Variants in NXN observed in about 807,000 individuals in gnomAD.
The protein encoded by NXN is nucleoredoxin 1.
A neutral mutation model predicts 48.6 loss-of-function variants in NXN; 16 were observed. The ratio of observed to expected loss-of-function variants is 0.33; its 90% CI spans 0.22 to 0.50. The LOEUF is 0.50. NXN is among the 20% of genes least tolerant of loss of function. NXN has a pLI of 0.98. For synonymous variants in NXN, 281 were observed against 269.6 expected (o/e 1.04, Z -0.41); for missense variants, 492 against 605.5 (o/e 0.81, Z 1.97).
intron 1 of NXN, among the ~76,000 whole-genome samples, chr17:889,761 A>AG (rs1555619044): frequency 4.2e-5 from 3 of 70,828 alleles, no homozygotes; most frequent in Non-Finnish European, 8.5e-5. Context: ...GAAAGAAAGA[A>AG]AAAGAAAGAA....
chr17:939,957 T>A (rs1194812481), intron 1 of NXN, among the ~76,000 whole-genome samples: 1 of 1,954 alleles, frequency 5.1e-4, no homozygotes. Flanking sequence ...TTTTTTCTTA[T>A]TTTTTTTTTG....
chr17:926,527 GT>G (rs1449174357), intron 1 of NXN, among the ~76,000 whole-genome samples: 1 of 56,332 alleles, frequency 1.8e-5, no homozygotes, highest in Non-Finnish European at 4.5e-5. Flanking sequence ...AGTATCCCAT[GT>G]TTTTTGTTTT....
intron 1 of NXN, among the ~76,000 whole-genome samples, chr17:947,962 A>T (rs2150613655): frequency 6.6e-6 from 1 of 151,692 alleles, no homozygotes; most frequent in Non-Finnish European, 1.5e-5. Context: ...GAGGCAGGAG[A>T]ATTGCTTAAA....
At chr17:817,856 T>A (rs1383091332) in intron 5 of NXN, among the ~76,000 whole-genome samples, 1 of 152,078 alleles carries the variant, frequency 6.6e-6, no homozygotes, top group African/African-American at 2.4e-5. Flanking sequence ...CGCGTTTAAC[T>A]CAGACTGCCC....
At chr17:953,592 T>C (rs2069136164) in intron 1 of NXN, among the ~76,000 whole-genome samples, 1 of 152,182 alleles carries the variant, frequency 6.6e-6, no homozygotes, top group African/African-American at 2.4e-5. Flanking sequence ...CTTATAAACC[T>C]ATGTCAAGTT....
intron 5 of NXN, among the ~76,000 whole-genome samples, chr17:812,819 T>C (rs928351259): frequency 2.3e-4 from 34 of 149,140 alleles, no homozygotes; most frequent in African/African-American, 3.0e-4. Context: ...TAGGTGTGTG[T>C]GCGAGTGTGC....
At chr17:969,369 C>G (rs1282102148) in intron 1 of NXN, among the ~76,000 whole-genome samples, 1 of 152,154 alleles carries the variant, frequency 6.6e-6, no homozygotes, top group African/African-American at 2.4e-5. Flanking sequence ...TCTGGATTTC[C>G]AGTCTATATT....
rs1477121763 is a variant in NXN, at chr17:979,742, A to AGGCGGCGGCGTC, written c.-76_-65dup. Reference sequence around the variant, plus strand: ...GCTCCACGGTCCGCGCGGCGGGAGGAGGCGGCGGCGTCGGCGGCAGGCGCT... The same window carrying AGGCGGCGGCGTC: ...GCTCCACGGTCCGCGCGGCGGGAGGAGGCGGCGGCGTCGGCGGCGGCGTCGGCGGCAGGCGCT... On this transcript the variant is annotated 5_prime_UTR_variant, in exon 1 of 8. Coordinates refer to ENST00000336868, the MANE Select transcript of NXN (RefSeq NM_022463.5). 6.0e-5 allele frequency: 74 copies of AGGCGGCGGCGTC among 1,239,156 alleles called. No homozygotes were observed. Among genetic ancestry groups the AGGCGGCGGCGTC allele is most frequent in the East Asian group, 2.4e-4 (7 of 29,196 alleles). 76.8% of individuals were successfully genotyped at this position (1,239,156 alleles called of 1,614,324 possible).
intron 1 of NXN, among the ~76,000 whole-genome samples, chr17:836,740 G>C (rs1458891356): frequency 6.6e-6 from 1 of 152,192 alleles, no homozygotes; most frequent in Non-Finnish European, 1.5e-5. Context: ...GTGAACATGA[G>C]TTACATAGAG....
intron 1 of NXN, among the ~76,000 whole-genome samples, chr17:943,050 A>G (rs537230478): frequency 1.3e-5 from 2 of 150,814 alleles, no homozygotes; most frequent in Non-Finnish European, 2.9e-5. Context: ...GAATTCACCA[A>G]ACACCTCCCT....
At chr17:869,896 G>A (rs1278843985) in intron 1 of NXN, among the ~76,000 whole-genome samples, 6 of 152,218 alleles carry the variant, frequency 3.9e-5, no homozygotes, top group African/African-American at 1.4e-4. Context: ...GTAAAAGGTG[G>A]CGTGCGAGAG....
intron 1 of NXN, among the ~76,000 whole-genome samples, chr17:967,762 G>C (rs1035608972): frequency 6.6e-6 from 1 of 152,182 alleles, no homozygotes; most frequent in Non-Finnish European, 1.5e-5. Flanking sequence ...ACGAGGTCAG[G>C]AGATCAAGAC....
intron 1 of NXN, among the ~76,000 whole-genome samples, chr17:955,860 C>CAG (rs2069162925): frequency 3.3e-5 from 5 of 151,316 alleles, no homozygotes; most frequent in Non-Finnish European, 4.4e-5. Flanking sequence ...CGAGATTGTG[C>CAG]CACTGCACTC....
intron 1 of NXN, among the ~76,000 whole-genome samples, chr17:925,636 G>A (rs747708578): frequency 1.3e-3 from 192 of 152,268 alleles, no homozygotes; most frequent in Non-Finnish European, 2.1e-3. Context: ...TGATCCGCCC[G>A]CCTCAGTCTC....
chr17:961,955 T>A (rs1264150641), intron 1 of NXN, among the ~76,000 whole-genome samples: 1 of 152,076 alleles, frequency 6.6e-6, no homozygotes, highest in African/African-American at 2.4e-5. Context: ...ACCAACATGG[T>A]GAAACCTCGT....
intron 1 of NXN, among the ~76,000 whole-genome samples, chr17:868,557 T>C (rs899224794): frequency 6.6e-6 from 1 of 152,214 alleles, no homozygotes; most frequent in Non-Finnish European, 1.5e-5. Context: ...AGTGATGCGA[T>C]CTCTGCTTAC....
intron 5 of NXN, among the ~76,000 whole-genome samples, chr17:812,981 C>T (rs987958150): frequency 7.9e-5 from 12 of 151,460 alleles, no homozygotes; most frequent in Non-Finnish European, 1.6e-4. Flanking sequence ...GGTGTGTGTG[C>T]ACATGTGAAT....
At chr17:902,280 A>G (rs1482904985) in intron 1 of NXN, among the ~76,000 whole-genome samples, 1 of 152,216 alleles carries the variant, frequency 6.6e-6, no homozygotes, top group Non-Finnish European at 1.5e-5. Flanking sequence ...GCGTTCTCAG[A>G]AACCGTTCCG....
chr17:810,057 G>C (rs1911852418), intron 5 of NXN, among the ~76,000 whole-genome samples: 1 of 133,600 alleles, frequency 7.5e-6, no homozygotes, highest in African/African-American at 2.7e-5. Context: ...TGCACGTTAC[G>C]AGTCCCTGTG....
Sources: allele counts gnomAD v4.1 joint callset (sites outside exome capture counted in the v4.1 genomes callset), GRCh38; gene constraint gnomAD v4.1.1; transcripts MANE v1.5; gene names NCBI Gene and HGNC (gene_info 2026-07-23, HGNC 2026-07-21).